CDH20: variants seen among roughly 807,000 people sequenced by gnomAD.
CDH20 encodes cadherin 20.
CDH20 carries 29 observed loss-of-function variants against 74.2 expected under a neutral mutation model. The observed-to-expected ratio is 0.39, with a 90% confidence interval of 0.29 to 0.53. CDH20 has a LOEUF of 0.53. CDH20 is among the 20% of genes least tolerant of loss of function. The pLI is 0.69. For synonymous variants in CDH20, 469 were observed against 405.4 expected (o/e 1.16, Z -1.88); for missense variants, 988 against 1,048.3 (o/e 0.94, Z 0.79).
chr18:61,338,120 G>C (rs889751193), intron 1 of CDH20, among the ~76,000 whole-genome samples: 1 of 151,950 alleles, frequency 6.6e-6, no homozygotes, highest in African/African-American at 2.4e-5. Flanking sequence ...AAATCAAAAG[G>C]GATTGCAAAA....
At chr18:61,403,978 G>T (rs1230550170) in intron 1 of CDH20, among the ~76,000 whole-genome samples, 2 of 152,064 alleles carry the variant, frequency 1.3e-5, no homozygotes, top group Non-Finnish European at 2.9e-5. Flanking sequence ...GACTAACGTG[G>T]GAACAGAAAA....
At chr18:61,536,022 G>T (rs1386726703) in intron 7 of CDH20, among the ~76,000 whole-genome samples, 1 of 152,106 alleles carries the variant, frequency 6.6e-6, no homozygotes, top group Non-Finnish European at 1.5e-5. Flanking sequence ...CCTGGTACAA[G>T]GCTTCTTTTC....
In CDH20 at chr18:61,554,504, G is replaced by A. The variant is rs1412223380; in HGVS notation, c.2215G>A (p.Ala739Thr). ...CTACGAGGCCGACATGGACCTGTGG[G>A]CACCGCCCTTCGACTCCCTCCAGAC... ...KLYEADMDLWAPPFDSLQTYM... is the reference protein window; with the variant it reads ...KLYEADMDLWTPPFDSLQTYM... The change falls in exon 12 of 12, where the codon GCA becomes ACA. Residue 739 changes from alanine to threonine, a missense_variant. This residue lies in a region of CDH20 where 375 missense variants were observed against 293.1 expected (regional missense o/e 1.28). Coordinates refer to ENST00000262717, the MANE Select transcript of CDH20 (RefSeq NM_031891.4). 1.2e-6 allele frequency: 2 copies of A among 1,612,804 alleles called. No homozygotes were observed.
At chr18:61,547,329 A>C (rs1004356195) in intron 10 of CDH20, among the ~76,000 whole-genome samples, 1 of 152,056 alleles carries the variant, frequency 6.6e-6, no homozygotes, top group African/African-American at 2.4e-5. Flanking sequence ...TCCTGTCTCT[A>C]AAAAAAGCCA....
chr18:61,500,086 G>T (rs1351108783), intron 3 of CDH20, among the ~76,000 whole-genome samples: 1 of 108,462 alleles, frequency 9.2e-6, no homozygotes, highest in Non-Finnish European at 1.7e-5. Flanking sequence ...CCTGGCGACA[G>T]AGTGAGACTC....
At chr18:61,504,635 C>T (rs766312019) in intron 5 of CDH20, among the ~76,000 whole-genome samples, 7 of 151,748 alleles carry the variant, frequency 4.6e-5, no homozygotes, top group African/African-American at 1.2e-4. Context: ...AAGGAAGCAG[C>T]GGGAGAAATG....
At chr18:61,484,350 C>T (rs75199339) in intron 1 of CDH20, among the ~76,000 whole-genome samples, 627 of 152,186 alleles carry the variant, frequency 4.1e-3, no homozygotes, top group Non-Finnish European at 6.6e-3. Flanking sequence ...AAAGTGAAAA[C>T]TGGAGGAAGG....
intron 1 of CDH20, among the ~76,000 whole-genome samples, chr18:61,429,920 G>A (rs1913197359): frequency 6.6e-6 from 1 of 152,168 alleles, no homozygotes; most frequent in Admixed American, 6.5e-5. Flanking sequence ...AGGACTGTAA[G>A]CATCCTGACA....
intron 10 of CDH20, 86 bp from the exon 11 acceptor site, chr18:61,549,892 A>C: frequency 7.1e-7 from 1 of 1,404,146 alleles, no homozygotes; most frequent in Non-Finnish European, 9.9e-7. Context: ...TCCTTCCTAC[A>C]CCCTGCCCCT....
At chr18:61,392,758 G>A (rs1186990246) in intron 1 of CDH20, among the ~76,000 whole-genome samples, 2 of 142,404 alleles carry the variant, frequency 1.4e-5, no homozygotes, top group Non-Finnish European at 3.0e-5. Flanking sequence ...AATAGATGAA[G>A]AGCTATAAGA....
At chr18:61,477,480 G>C (rs17068353) in intron 1 of CDH20, among the ~76,000 whole-genome samples, 5,695 of 152,226 alleles carry the variant, frequency 0.037, 350 homozygotes, top group African/African-American at 0.13. Context: ...CAATTAAAAG[G>C]TGTGTGGCAA....
chr18:61,550,221 T>C lies in CDH20; in HGVS notation c.1892T>C (p.Val631Ala). ...ALIAILACIF[V>A]LLVLVLLILS... ...ATTGCCATCCTCGCCTGCATCTTTGTCCTCTTAGGTGAGTAAGGGGCTGCT... is the reference window on the plus strand; with the variant it reads ...ATTGCCATCCTCGCCTGCATCTTTGCCCTCTTAGGTGAGTAAGGGGCTGCT... The change falls in exon 11 of 12, where the codon GTC becomes GCC. Residue 631 changes from valine (V) to alanine (A), a missense_variant. Physicochemically the swap from Val to Ala is moderately conservative, Grantham distance 64. Coordinates refer to ENST00000262717, the MANE Select transcript of CDH20 (RefSeq NM_031891.4). 1 of 1,613,126 alleles carries C rather than the reference T, an allele frequency of 6.2e-7. No individual in the cohort carries two copies. The highest frequency in any genetic ancestry group is 8.5e-7 in the Non-Finnish European group (1 of 1,179,576).
chr18:61,500,102 TAAAAAAAAAAAAAAAAAAAAAAAA>T lies in CDH20; in HGVS notation c.542-257_542-234del, dbSNP rs534695760. ...CTGGCGACAGAGTGAGACTCCATCT[TAAAAAAAAAAAAAAAAAAAAAAAA>T]AAAAAAAAAAAAAAAAAAAAAAAGC... On this transcript the variant is annotated intron_variant, in intron 3 of 11. Coordinates refer to ENST00000262717, the MANE Select transcript of CDH20 (RefSeq NM_031891.4). Among the ~76,000 whole-genome samples, 83 of 56,574 alleles carry T rather than the reference TAAAAAAAAAAAAAAAAAAAAAAAA, an allele frequency of 1.5e-3. 3 individuals carry two copies. The highest frequency in any genetic ancestry group is 1.9e-3 in the African/African-American group (36 of 18,522). The allele number at this position is 56,574 out of a possible 152,430, so 37.1% of individuals were successfully genotyped here.
In CDH20 at chr18:61,394,298, C is replaced by T. The variant is rs540430314; in HGVS notation, c.-153+60471C>T. 1.1e-4 allele frequency among the ~76,000 whole-genome samples: 17 copies of T among 152,216 alleles called. No individual in the cohort carries two copies. The East Asian group carries it at 2.7e-3, about 24-fold the overall frequency. ...AAATTCCATTGTTGAGGTTCTACCC[C>T]GCAAGACCTCAGAACACAACTTTAT... On this transcript the variant is annotated intron_variant, in intron 1 of 11. Transcript: ENST00000262717.
intron 6 of CDH20, among the ~76,000 whole-genome samples, chr18:61,517,791 G>A (rs1599141468): frequency 1.3e-5 from 2 of 152,230 alleles, no homozygotes; most frequent in South Asian, 4.2e-4. Flanking sequence ...CCCTGGAAAA[G>A]GGGCTGAATC....
chr18:61,414,071 T>C (rs1912603854), intron 1 of CDH20, among the ~76,000 whole-genome samples: 2 of 152,148 alleles, frequency 1.3e-5, no homozygotes, highest in African/African-American at 4.8e-5. Flanking sequence ...TGTCTTTTAT[T>C]TGAATTCTTA....
At chr18:61,456,230 T>C (rs1229656926) in intron 1 of CDH20, among the ~76,000 whole-genome samples, 1 of 152,198 alleles carries the variant, frequency 6.6e-6, no homozygotes. Flanking sequence ...TTTGAAGTAG[T>C]AGGCTTGAAT....
At chr18:61,385,637 T>C (rs188610847) in intron 1 of CDH20, among the ~76,000 whole-genome samples, 2 of 152,028 alleles carry the variant, frequency 1.3e-5, no homozygotes, top group Non-Finnish European at 2.9e-5. Context: ...GTATAAAAGA[T>C]ATTAACAGTT....
Position 61,353,733 on chromosome 18 carries a change from C to A in CDH20, c.-153+19906C>A, listed in dbSNP as rs965794444. On this transcript the variant is annotated intron_variant, in intron 1 of 11. Coordinates refer to ENST00000262717, the MANE Select transcript of CDH20 (RefSeq NM_031891.4). The surrounding 1 kb of genome is among the most constrained non-coding windows in gnomAD (Gnocchi z 4.6). Reference sequence around the variant, plus strand: ...CCTGCACTAGCCAATACAGCAGCTACTAACTACACAAGGACGTTCAGCTTT... The same window carrying A: ...CCTGCACTAGCCAATACAGCAGCTAATAACTACACAAGGACGTTCAGCTTT... Among the ~76,000 whole-genome samples, 6 of 152,134 alleles carry A rather than the reference C, an allele frequency of 3.9e-5. No homozygotes were observed. The highest frequency in any genetic ancestry group is 1.4e-4 in the African/African-American group (6 of 41,418).
Sources: allele counts gnomAD v4.1 joint callset (sites outside exome capture counted in the v4.1 genomes callset), GRCh38; gene constraint gnomAD v4.1.1; regional missense constraint gnomAD v4.1.1; non-coding constraint Gnocchi (gnomAD v3.1); transcripts MANE v1.5; gene names NCBI Gene and HGNC (gene_info 2026-07-23, HGNC 2026-07-21).